The following TAFA2 variants were observed in gnomAD, a reference collection of about 807,000 sequenced individuals.
The protein encoded by TAFA2 is chemokine-like protein TAFA-2.
In TAFA2, 7 loss-of-function variants were observed where a neutral mutation model predicts 18.8. The observed-to-expected ratio is 0.37, with a 90% CI of 0.21 to 0.70. The LOEUF (loss-of-function observed/expected upper bound fraction) is 0.70. TAFA2 is among the 30% of genes least tolerant of loss of function. The pLI is 0.53. For missense variants in TAFA2, 122 were observed against 158.1 expected, an observed-to-expected ratio of 0.77 and a Z score of 1.23; for synonymous variants, 60 against 54.2, an observed-to-expected ratio of 1.11 and a Z score of -0.47.
chr12:62,021,638 G>A (rs1001961279), intron 1 of TAFA2: 14 of 1,165,866 alleles, frequency 1.2e-5, no homozygotes, highest in Middle Eastern at 2.7e-4. Flanking sequence ...GAGATGGGGT[G>A]GTGTGCAGTA....
chr12:61,755,891 A>T (rs1869241939), intron 2 of TAFA2, among the ~76,000 whole-genome samples: 4 of 152,096 alleles, frequency 2.6e-5, no homozygotes, highest in Admixed American at 2.6e-4. Flanking sequence ...GTGAAAAGAT[A>T]AAACTTTTGC....
chr12:61,871,118 G>C (rs1465281104), intron 1 of TAFA2, among the ~76,000 whole-genome samples: 1 of 152,096 alleles, frequency 6.6e-6, no homozygotes, highest in Non-Finnish European at 1.5e-5. Flanking sequence ...AGTCGGGGGG[G>C]CATGCAACAA....
intron 2 of TAFA2, among the ~76,000 whole-genome samples, chr12:61,764,348 A>C (rs1015372172): frequency 2.4e-4 from 36 of 152,106 alleles, no homozygotes; most frequent in African/African-American, 8.2e-4. Flanking sequence ...CCCAATTCCC[A>C]AGCATTGTAG....
At chr12:61,812,570 CTTTT>C (rs748488387) in intron 2 of TAFA2, among the ~76,000 whole-genome samples, 2 of 140,046 alleles carry the variant, frequency 1.4e-5, no homozygotes, top group African/African-American at 2.7e-5. Context: ...ATGTTCCCAT[CTTTT>C]TTTTTTTTTT....
At chr12:62,189,836 C>T (rs1446081632) in intron 1 of TAFA2, among the ~76,000 whole-genome samples, 1 of 151,990 alleles carries the variant, frequency 6.6e-6, no homozygotes, top group Non-Finnish European at 1.5e-5. Context: ...AATTATCATT[C>T]AGTCAATAGT....
intron 2 of TAFA2, among the ~76,000 whole-genome samples, chr12:61,849,068 T>C (rs1189851321): frequency 6.6e-6 from 1 of 152,160 alleles, no homozygotes; most frequent in Non-Finnish European, 1.5e-5. Context: ...GCTCATGAAC[T>C]CCTGACCTCA....
chr12:62,244,522 T>C (rs1428497264), intron 1 of TAFA2, among the ~76,000 whole-genome samples: 9 of 152,236 alleles, frequency 5.9e-5, no homozygotes, highest in African/African-American at 2.2e-4. Context: ...GAATAAATAA[T>C]GCTCTAATCA....
At chr12:62,101,863 C>T (rs1318753872) in intron 1 of TAFA2, among the ~76,000 whole-genome samples, 1 of 152,078 alleles carries the variant, frequency 6.6e-6, no homozygotes, top group Non-Finnish European at 1.5e-5. Context: ...CTCAAAGAAC[C>T]CACAGGAAAA....
chr12:61,897,431 A>T (rs1875897695), intron 1 of TAFA2, among the ~76,000 whole-genome samples: 1 of 151,934 alleles, frequency 6.6e-6, no homozygotes, highest in African/African-American at 2.4e-5. Context: ...GTAATTTATA[A>T]AAAAAAAGAA....
At chr12:61,745,117 CTCT>C (rs575597720) in intron 4 of TAFA2, among the ~76,000 whole-genome samples, 3 of 152,162 alleles carry the variant, frequency 2.0e-5, no homozygotes, top group Middle Eastern at 3.4e-3. Context: ...AGTCTACCTA[CTCT>C]TCTTCAGAAA....
Position 62,009,558 on chromosome 12 carries a change from C to T in TAFA2, c.-1-142132G>A, listed in dbSNP as rs113215651. On this transcript the variant is annotated intron_variant, in intron 1 of 4. Coordinates refer to ENST00000416284, the MANE Select transcript of TAFA2 (RefSeq NM_178539.5). Reference sequence around the variant, plus strand: ...CAAAAGGACACTAGGCATTTAGACACGAGCAATTCAGAAACACTAATTTGG... The same window carrying T: ...CAAAAGGACACTAGGCATTTAGACATGAGCAATTCAGAAACACTAATTTGG... Among the ~76,000 whole-genome samples the T allele has an allele frequency of 3.3e-3, 508 of 152,138 alleles. 1 individual carries two copies. The highest frequency in any genetic ancestry group is 0.011 in the African/African-American group (474 of 41,506).
chr12:62,004,589 T>C (rs1300567577), intron 1 of TAFA2, among the ~76,000 whole-genome samples: 1 of 152,080 alleles, frequency 6.6e-6, no homozygotes, highest in Non-Finnish European at 1.5e-5. Flanking sequence ...CCAAGTTTGA[T>C]GGGGAATGTG....
chr12:62,236,632 T>C (rs1228961177), intron 1 of TAFA2, among the ~76,000 whole-genome samples: 1 of 152,226 alleles, frequency 6.6e-6, no homozygotes, highest in Non-Finnish European at 1.5e-5. Flanking sequence ...CAGTATTTCT[T>C]GTAAGACAGG....
intron 1 of TAFA2, among the ~76,000 whole-genome samples, chr12:61,919,270 T>C (rs1456735931): frequency 6.6e-6 from 1 of 152,202 alleles, no homozygotes; most frequent in Non-Finnish European, 1.5e-5. Context: ...GTATTCATTA[T>C]GTCTTTCACA....
At chr12:61,730,882 C>T (rs975746988) in intron 4 of TAFA2, among the ~76,000 whole-genome samples, 11 of 152,208 alleles carry the variant, frequency 7.2e-5, no homozygotes, top group African/African-American at 2.4e-4. Flanking sequence ...CTTTGCCCCT[C>T]CCTGTCTGTT....
At chr12:62,113,644 T>C (rs910850768) in intron 1 of TAFA2, among the ~76,000 whole-genome samples, 2 of 152,190 alleles carry the variant, frequency 1.3e-5, no homozygotes, top group Non-Finnish European at 2.9e-5. Flanking sequence ...GTTTTATCTA[T>C]AAGCCCCTGA....
intron 2 of TAFA2, among the ~76,000 whole-genome samples, chr12:61,840,880 A>C (rs982004703): frequency 1.3e-5 from 2 of 152,136 alleles, no homozygotes; most frequent in African/African-American, 2.4e-5. Context: ...CAAGACCAAC[A>C]GTTAGATGCC....
intron 4 of TAFA2, among the ~76,000 whole-genome samples, chr12:61,710,733 T>C (rs992767393): frequency 1.3e-5 from 2 of 152,074 alleles, no homozygotes; most frequent in African/African-American, 4.8e-5. Context: ...AATCCTTGTT[T>C]TTTTGCACAG....
intron 1 of TAFA2, among the ~76,000 whole-genome samples, chr12:62,110,157 T>C (rs1431214504): frequency 1.3e-5 from 2 of 152,246 alleles, no homozygotes; most frequent in Non-Finnish European, 2.9e-5. Flanking sequence ...GTTCCATCTA[T>C]ACCTAGTTTA....
Sources: allele counts gnomAD v4.1 joint callset (sites outside exome capture counted in the v4.1 genomes callset), GRCh38; gene constraint gnomAD v4.1.1; transcripts MANE v1.5; gene names NCBI Gene and HGNC (gene_info 2026-07-23, HGNC 2026-07-21).